Variants in EPRS1 observed in about 807,000 individuals in gnomAD.
The protein encoded by EPRS1 is bifunctional glutamate/proline--tRNA ligase.
Under a neutral mutation model 188.3 loss-of-function variants are expected in EPRS1, and 107 were observed. That is an observed-to-expected ratio of 0.57 (90% CI 0.49 to 0.67). EPRS1 has a LOEUF of 0.67. Among genes scored for constraint, EPRS1 ranks in the 30% least tolerant of loss-of-function variants. The pLI, the probability that EPRS1 is intolerant of heterozygous loss-of-function variation, is 0.00. For synonymous variants in EPRS1, 596 were observed against 593.1 expected, an observed-to-expected ratio of 1.00 and a Z score of -0.07; for missense variants, 1,577 against 1,802.2, an observed-to-expected ratio of 0.88 and a Z score of 2.26.
Position 220,032,382 on chromosome 1 carries a change from C to A in EPRS1, c.528+5G>T. ...TTTTTTAAAAAAAAAGAAAAAAAGG[C>A]TTACCACTCGAGCTTTGGTTGTTGA... On this transcript the variant is annotated splice_donor_5th_base_variant and intron_variant, in intron 5 of 31. Transcript: ENST00000366923. 6.3e-7 allele frequency: 1 copy of A among 1,578,890 alleles called. No individual in the cohort carries two copies.
chr1:220,040,926 A>G (rs1307420287), intron 1 of EPRS1, among the ~76,000 whole-genome samples: 1 of 141,528 alleles, frequency 7.1e-6, no homozygotes, highest in Non-Finnish European at 1.5e-5. Flanking sequence ...TTAAAAAACT[A>G]AAAAAAAAAA....
rs773452249 is a variant in EPRS1 at position 219,980,839 on chromosome 1, G to A, written c.3472C>T (p.Pro1158Ser). 3.7e-6 allele frequency: 6 copies of A among 1,612,188 alleles called. No individual in the cohort carries two copies. The South Asian group carries it at 4.4e-5, about 12-fold the overall frequency. The part of the protein sequence containing the change: ...CNVVRWEFKH[P>S]QPFLRTREFL... ...TCACGAGTACGTAGGAAAGGCTGAG[G>A]ATGCTTGAATTCCCAACGCTGGAAG... is the stretch of plus-strand genomic sequence containing the variant. Residue 1158 changes from proline (P) to serine (S), a missense_variant, in exon 25 of 32, where the codon CCT becomes TCT. Around this residue, in one of 3 missense-constraint regions of EPRS1, gnomAD observed 1,278 missense variants for 1,457.4 expected, o/e 0.88. Transcript: ENST00000366923.
chr1:220,008,868 G>C (rs888671154), intron 13 of EPRS1, among the ~76,000 whole-genome samples: 2 of 152,158 alleles, frequency 1.3e-5, no homozygotes, highest in Admixed American at 6.5e-5. Flanking sequence ...TAGAGACAGA[G>C]TCTTGCTATG....
intron 25 of EPRS1, 135 bp from the exon 26 acceptor site, chr1:219,980,375 T>G (rs1660871822): frequency 4.7e-6 from 3 of 637,254 alleles, no homozygotes; most frequent in African/African-American, 1.8e-5. Flanking sequence ...TATGAAAAGG[T>G]TAAAGCAGCC....
chr1:220,028,831 A>G (rs1444132061), intron 6 of EPRS1, among the ~76,000 whole-genome samples: 2 of 152,206 alleles, frequency 1.3e-5, no homozygotes, highest in Non-Finnish European at 2.9e-5. Context: ...AAAAGAAAAA[A>G]TGAAAAAATA....
intron 12 of EPRS1, 168 bp downstream of exon 12, chr1:220,018,281 T>C (rs1661762015): frequency 2.3e-6 from 2 of 872,830 alleles, no homozygotes; most frequent in African/African-American, 3.4e-5. Context: ...GCTTAATTAA[T>C]GCTCTTCGTG....
intron 20 of EPRS1, among the ~76,000 whole-genome samples, chr1:219,986,477 T>C (rs1661008423): frequency 6.6e-6 from 1 of 152,194 alleles, no homozygotes; most frequent in Admixed American, 6.6e-5. Flanking sequence ...TTTCCATACA[T>C]GCTCCATTAT....
chr1:220,038,659 T>C (rs1021468762), intron 2 of EPRS1, among the ~76,000 whole-genome samples: 3 of 152,116 alleles, frequency 2.0e-5, no homozygotes, highest in Non-Finnish European at 4.4e-5. Flanking sequence ...ATTACAGGCT[T>C]GAGCCACTGC....
Position 220,001,180 on chromosome 1 carries a change from T to C in EPRS1, c.2139A>G (p.Ser713=). The stretch of plus-strand genomic sequence containing the variant: ...CTACTTTGGTCTTTTCCTTTGACCC[T>C]GATGTTGGCATTTCCTTTGTGTGCC... ...PDGHTKEMPT[S]GSKEKTKVEA... The change falls in exon 17 of 32, where the codon TCA becomes TCG. Residue 713 remains serine, a synonymous_variant. Transcript: ENST00000366923. 1 of 1,613,952 alleles carries C rather than the reference T, an allele frequency of 6.2e-7. No homozygotes were observed. The highest frequency in any genetic ancestry group is 8.5e-7 in the Non-Finnish European group (1 of 1,179,822).
intron 1 of EPRS1, among the ~76,000 whole-genome samples, chr1:220,041,167 C>CAA (rs1255196805): frequency 6.6e-6 from 1 of 151,116 alleles, no homozygotes; most frequent in Non-Finnish European, 1.5e-5. Flanking sequence ...CCCGTCTCTA[C>CAA]AAAAAAATAC....
intron 6 of EPRS1, among the ~76,000 whole-genome samples, chr1:220,026,377 A>T (rs1423128854): frequency 9.2e-5 from 14 of 151,914 alleles, no homozygotes; most frequent in Admixed American, 9.2e-4. Flanking sequence ...CAAGTACATG[A>T]GTAAAAGAAA....
chr1:219,971,299 A>C (rs1459828597), intron 30 of EPRS1, among the ~76,000 whole-genome samples: 1 of 152,204 alleles, frequency 6.6e-6, no homozygotes, highest in Non-Finnish European at 1.5e-5. Flanking sequence ...CTTCTTTATG[A>C]AACTTTAAAG....
chr1:219,983,451 A>T, intron 21 of EPRS1, 53 bp from the exon 22 acceptor site: 1 of 1,305,390 alleles, frequency 7.7e-7, no homozygotes, highest in Non-Finnish European at 1.1e-6. Flanking sequence ...AAATTCTAGT[A>T]TAAGTGGCAA....
At chr1:220,018,829 T>TAA (rs34224725) in intron 11 of EPRS1, among the ~76,000 whole-genome samples, 166 bp downstream of exon 11, 26,357 of 135,972 alleles carry the variant, frequency 0.19, 3,892 homozygotes, top group East Asian at 0.4. Context: ...TGATAAACTT[T>TAA]AAAAAAAAAA....
chr1:219,994,625 C>T (rs1264202240), intron 18 of EPRS1, among the ~76,000 whole-genome samples: 1 of 148,280 alleles, frequency 6.7e-6, no homozygotes, highest in Non-Finnish European at 1.5e-5. Flanking sequence ...CAGAAATATG[C>T]CGTGGTAACT....
intron 9 of EPRS1, among the ~76,000 whole-genome samples, 180 bp downstream of exon 9, chr1:220,022,167 T>C (rs1315193642): frequency 6.6e-6 from 1 of 152,138 alleles, no homozygotes; most frequent in Non-Finnish European, 1.5e-5. Context: ...GAACCTTAAT[T>C]GACAGGTGAG....
chr1:219,986,241 G>T (rs982916593), intron 20 of EPRS1, among the ~76,000 whole-genome samples: 16 of 152,184 alleles, frequency 1.1e-4, no homozygotes, highest in Non-Finnish European at 2.4e-4. Context: ...TGTGGAAACA[G>T]ATAAAAAATT....
intron 14 of EPRS1, 100 bp downstream of exon 14, chr1:220,007,102 A>G: frequency 9.6e-7 from 1 of 1,036,412 alleles, no homozygotes; most frequent in Middle Eastern, 2.3e-4. Flanking sequence ...TTTACTAGTC[A>G]GCAACATGTA....
chr1:220,044,221 ATTAC>A (rs1458692301), intron 1 of EPRS1, among the ~76,000 whole-genome samples: 2 of 152,266 alleles, frequency 1.3e-5, no homozygotes, highest in African/African-American at 2.4e-5. Context: ...ATCTAATTAT[ATTAC>A]TTAAAGATAA....
Sources: allele counts gnomAD v4.1 joint callset (sites outside exome capture counted in the v4.1 genomes callset), GRCh38; gene constraint gnomAD v4.1.1; regional missense constraint gnomAD v4.1.1; transcripts MANE v1.5; gene names NCBI Gene and HGNC (gene_info 2026-07-23, HGNC 2026-07-21).